Variants in PLCB2 observed in about 807,000 individuals in gnomAD.
PLCB2 encodes 1-phosphatidylinositol 4,5-bisphosphate phosphodiesterase beta-2.
A neutral mutation model predicts 141.7 loss-of-function variants in PLCB2; 115 were observed. That is an observed-to-expected ratio of 0.81 (90% CI 0.70 to 0.95). The LOEUF (loss-of-function observed/expected upper bound fraction) is 0.95, where lower values mean the gene tolerates loss of function less well. Among genes scored for constraint, PLCB2 ranks in the 40% least tolerant of loss-of-function variants. PLCB2 has a pLI of 0.00. For missense variants in PLCB2, 1,403 were observed against 1,541.1 expected (o/e 0.91, Z 1.50); for synonymous variants, 603 against 595.6 (o/e 1.01, Z -0.18).
rs915224694 is a variant in PLCB2, at chr15:40,291,308, C to T, written c.2827G>A (p.Gly943Arg). Residue 943 changes from glycine (G) to arginine (R), a missense_variant, in exon 26 of 32, where the codon GGG (glycine) becomes AGG (arginine). Gly to Arg is a moderately radical substitution (Grantham distance 125). Transcript: ENST00000260402. Reference sequence around the variant, plus strand: ...TTGCCGGGACCGAGCTTGCAGGCCCCGACGCCCCCCACGCCCGGTGGCCCG... The same window carrying T: ...TTGCCGGGACCGAGCTTGCAGGCCCTGACGCCCCCCACGCCCGGTGGCCCG... ...ELGPPGVGGVGACKLGPGKGS... is the reference protein window; with the variant it reads ...ELGPPGVGGVRACKLGPGKGS... 3.2e-6 allele frequency: 5 copies of T among 1,549,802 alleles called. No individual in the cohort carries two copies. Among genetic ancestry groups the T allele is most frequent in the African/African-American group, 1.4e-5 (1 of 72,534 alleles).
At chr15:40,290,939 G>A in intron 27 of PLCB2, 79 bp downstream of exon 27, 3 of 1,486,030 alleles carry the variant, frequency 2.0e-6, no homozygotes, top group African/African-American at 1.4e-5. Context: ...GGGTTGGGTC[G>A]GTGAGAGGGG....
chr15:40,289,537 T>G, intron 30 of PLCB2, 179 bp from the exon 31 acceptor site: 1 of 609,086 alleles, frequency 1.6e-6, no homozygotes, highest in Non-Finnish European at 2.9e-6. Flanking sequence ...TGTAAAAGAT[T>G]ATACAAGACA....
At chr15:40,294,726 C>T (rs1437607009) in intron 18 of PLCB2, among the ~76,000 whole-genome samples, 7 of 152,206 alleles carry the variant, frequency 4.6e-5, no homozygotes, top group South Asian at 2.1e-4. Context: ...ACGCCGGCAG[C>T]CTGGCATCTT....
Position 40,297,487 on chromosome 15 carries a change from A to G in PLCB2, c.1323+34T>C. The stretch of plus-strand genomic sequence containing the variant: ...CACCCTGCCCCAGGTTCCCAGGCCC[A>G]AGGCTCAAATGTCCCACAGCGAAGC... On this transcript the variant is annotated intron_variant, in intron 13 of 31. Coordinates refer to ENST00000260402, the MANE Select transcript of PLCB2 (RefSeq NM_004573.3). The surrounding 1 kb of genome is among the most constrained non-coding windows in gnomAD (Gnocchi z 4.2). 6.5e-7 allele frequency: 1 copy of G among 1,547,888 alleles called. No homozygotes were observed. Among genetic ancestry groups the G allele is most frequent in the Non-Finnish European group, 8.9e-7 (1 of 1,119,320 alleles).
At position 40,303,304 on chromosome 15, in the gene PLCB2, A is replaced by G; in HGVS notation, c.215T>C (p.Phe72Ser). The G allele has an allele frequency of 6.2e-7, 1 of 1,613,690 alleles. No homozygotes were observed. The change falls in exon 3 of 32, where the codon TTT (phenylalanine) becomes TCT (serine). Residue 72 changes from phenylalanine to serine, a missense_variant. This residue lies in a region of PLCB2 where 975 missense variants were observed against 1,141.1 expected (regional missense o/e 0.85). Transcript: ENST00000260402. ...TSIRDTRFGK[F>S]AKMPKSQKLR... is the part of the protein sequence containing the mutation. ...CACACCTACCTTGGGCATCTTGGCA[A>G]ACTTCCCAAAGCGAGTATCCCGGAT... is the stretch of plus-strand genomic sequence containing the variant.
chr15:40,290,456 T>A, intron 29 of PLCB2, 121 bp downstream of exon 29: 1 of 782,946 alleles, frequency 1.3e-6, no homozygotes, highest in Non-Finnish European at 2.2e-6. Flanking sequence ...GGGGATCCGC[T>A]TTTTGGAGAG....
At chr15:40,298,065 ATGGCCGCCAT>A in intron 11 of PLCB2, 106 bp from the exon 12 acceptor site, 1 of 1,128,268 alleles carries the variant, frequency 8.9e-7, no homozygotes, top group Non-Finnish European at 1.3e-6. Context: ...ATATAACTGC[ATGGCCGCCAT>A]TGGCCCCCAA....
chr15:40,296,699 G>A, intron 14 of PLCB2, 47 bp downstream of exon 14: 1 of 1,610,064 alleles, frequency 6.2e-7, no homozygotes, highest in Non-Finnish European at 8.5e-7. Context: ...CCCCTCTCCT[G>A]TTCCAGATGC....
chr15:40,298,596 GTAA>G lies in PLCB2; in HGVS notation c.960_962del (p.Tyr321del). On this transcript the variant is annotated inframe_deletion, in exon 10 of 32. Transcript: ENST00000260402. Reference sequence around the variant, plus strand: ...AGGTGTTGTGGGACGAGTTGATGAAGTAATGATTGAGTGGCTGCGTCATGTCGT... The same window carrying G: ...AGGTGTTGTGGGACGAGTTGATGAAGTGATTGAGTGGCTGCGTCATGTCGT... The G allele has an allele frequency of 1.9e-6, 3 of 1,614,268 alleles. No individual in the cohort carries two copies. The highest frequency in any genetic ancestry group is 2.5e-6 in the Non-Finnish European group (3 of 1,180,046).
intron 29 of PLCB2, 110 bp downstream of exon 29, chr15:40,290,467 C>T (rs1218949185): frequency 1.2e-6 from 1 of 828,812 alleles, no homozygotes; most frequent in Non-Finnish European, 2.0e-6. Context: ...TTTTGGAGAG[C>T]CAGGGGACAG....
rs2039722019 is a variant in PLCB2 at position 40,289,302 on chromosome 15, G to A, written c.3324C>T (p.Cys1108=). ...TTTCCATCTCCCGTATCTGTTCCAG[G>A]CAAGCCGCCTGCTTCTCCTCCAGCT... The part of the protein sequence containing the change: ...QEKLEEKQAA[C]LEQIREMEKQ... Residue 1108 remains cysteine (C), a synonymous_variant, in exon 31 of 32, where the codon TGC becomes TGT. Transcript: ENST00000260402. 6.2e-7 allele frequency: 1 copy of A among 1,613,922 alleles called. No individual in the cohort carries two copies.
rs143144314 is a variant in PLCB2 at position 40,298,615 on chromosome 15, G to A, written c.944C>T (p.Thr315Met). The change falls in exon 10 of 32, where the codon ACG becomes ATG. Residue 315 changes from threonine to methionine, a missense_variant. Thr to Met is a moderately conservative substitution (Grantham distance 81). Coordinates refer to ENST00000260402, the MANE Select transcript of PLCB2 (RefSeq NM_004573.3). ...QDKLLLHHDM[T>M]QPLNHYFINS... ...GATGAAGTAATGATTGAGTGGCTGC[G>A]TCATGTCGTGGTGGAGCAGCAGCTT... 63 of 1,614,208 alleles carry A rather than the reference G, an allele frequency of 3.9e-5. No homozygotes were observed. The highest frequency in any genetic ancestry group is 6.7e-5 in the East Asian group (3 of 44,888).
chr15:40,290,838 C>A lies in PLCB2; in HGVS notation c.3037-1G>T. 1 of 1,608,306 alleles carries A rather than the reference C, an allele frequency of 6.2e-7. No homozygotes were observed. The highest frequency in any genetic ancestry group is 8.5e-7 in the Non-Finnish European group (1 of 1,177,638). On this transcript the variant is annotated splice_acceptor_variant, in intron 27 of 31. Coordinates refer to ENST00000260402, the MANE Select transcript of PLCB2 (RefSeq NM_004573.3). LOFTEE classifies it high-confidence loss of function. Reference sequence around the variant, plus strand: ...CCAGCTCCATCATTTTGGAGATTTGCTGCAGGGAGAGGAAGTAAGCTTGGC... The same window carrying A: ...CCAGCTCCATCATTTTGGAGATTTGATGCAGGGAGAGGAAGTAAGCTTGGC...
intron 16 of PLCB2, 48 bp downstream of exon 16, chr15:40,296,248 A>C (rs758354729): frequency 3.6e-6 from 5 of 1,408,302 alleles, no homozygotes; most frequent in East Asian, 2.3e-5. Flanking sequence ...AGGAAGGGGG[A>C]GATCCCCCTT....
At chr15:40,299,327 C>A in intron 7 of PLCB2, 99 bp from the exon 8 acceptor site, 2 of 763,364 alleles carry the variant, frequency 2.6e-6, no homozygotes, top group Non-Finnish European at 2.3e-6. Context: ...GGTCAGAAGG[C>A]GGGCTCAAGG....
chr15:40,294,898 C>G (rs1192023953), intron 18 of PLCB2, 38 bp downstream of exon 18: 1 of 1,613,594 alleles, frequency 6.2e-7, no homozygotes, highest in Admixed American at 1.7e-5. Context: ...GGCGCAGGGA[C>G]CAGGGAAGGA....
At chr15:40,299,074 G>C in intron 8 of PLCB2, 54 bp downstream of exon 8, 1 of 1,566,604 alleles carries the variant, frequency 6.4e-7, no homozygotes. Flanking sequence ...GTGGGAGGAG[G>C]GGATTGTTAG....
intron 22 of PLCB2, 32 bp downstream of exon 22, chr15:40,292,307 C>T (rs764349810): frequency 1.3e-6 from 2 of 1,557,190 alleles, no homozygotes; most frequent in South Asian, 1.1e-5. Flanking sequence ...GAACAGACAC[C>T]CCGAGGCTCC....
intron 19 of PLCB2, 69 bp downstream of exon 19, chr15:40,294,197 G>A: frequency 6.8e-7 from 1 of 1,476,266 alleles, no homozygotes; most frequent in Non-Finnish European, 9.4e-7. Context: ...GTTGAGTGAG[G>A]GGTGGGCTCC....
Sources: gnomAD v4.1 joint callset for allele counts (sites outside exome capture counted in the v4.1 genomes callset) on GRCh38, gnomAD v4.1.1 for gene constraint, gnomAD v4.1.1 regional missense constraint, Gnocchi (gnomAD v3.1) non-coding constraint, MANE v1.5 for transcripts, NCBI Gene and HGNC (gene_info 2026-07-23, HGNC 2026-07-21) for gene names.